COL24A1: variants seen among roughly 807,000 people sequenced by gnomAD.
The protein encoded by COL24A1 is collagen type XXIV alpha 1 chain, also known as collagen alpha-1(XXIV) chain.
Under a neutral mutation model 253.9 loss-of-function variants are expected in COL24A1, and 224 were observed. That is an observed-to-expected ratio of 0.88 (90% CI 0.79 to 0.99). COL24A1 has a LOEUF of 0.99. Ranked by LOEUF, COL24A1 falls within the 50% of genes least tolerant of loss-of-function variation. The pLI is 0.00. For missense variants in COL24A1, 2,131 were observed against 2,068.5 expected (o/e 1.03, Z -0.59); for synonymous variants, 685 against 673.7 (o/e 1.02, Z -0.26).
intron 23 of COL24A1, among the ~76,000 whole-genome samples, chr1:85,961,799 G>A (rs996816863): frequency 2.0e-5 from 3 of 152,130 alleles, no homozygotes; most frequent in African/African-American, 7.2e-5. Flanking sequence ...AGAGCAAAGG[G>A]TGAAGTGCCA....
chr1:85,730,544 C>A lies in COL24A1; in HGVS notation c.*2G>T. The stretch of plus-strand genomic sequence containing the variant: ...CCTGAATTCGGAACTAATTCAGAGA[C>A]TTTACAGAAAGCATACAGAACTGCT... On this transcript the variant is annotated 3_prime_UTR_variant, in exon 60 of 60. Coordinates refer to ENST00000370571, the MANE Select transcript of COL24A1 (RefSeq NM_152890.7). 6.2e-7 allele frequency: 1 copy of A among 1,613,406 alleles called. No homozygotes were observed. The highest frequency in any genetic ancestry group is 8.5e-7 in the Non-Finnish European group (1 of 1,179,556).
chr1:85,797,144 T>A (rs1670906118), intron 47 of COL24A1, among the ~76,000 whole-genome samples: 1 of 146,162 alleles, frequency 6.8e-6, no homozygotes, highest in African/African-American at 2.5e-5. Context: ...GAGGTGGAGG[T>A]TGCAGCGAGC....
chr1:86,013,477 CT>C (rs1463703448), intron 19 of COL24A1, among the ~76,000 whole-genome samples: 1 of 152,164 alleles, frequency 6.6e-6, no homozygotes, highest in East Asian at 1.9e-4. Flanking sequence ...CTGAAATCCC[CT>C]TACAACAAAA....
chr1:85,858,177 T>C (rs912247039), intron 37 of COL24A1, among the ~76,000 whole-genome samples: 3 of 152,202 alleles, frequency 2.0e-5, no homozygotes, highest in Admixed American at 2.0e-4. Flanking sequence ...TTTAACCCCA[T>C]AGCTCACTTC....
At chr1:86,089,070 T>G in intron 7 of COL24A1, 104 bp downstream of exon 7, 1 of 857,798 alleles carries the variant, frequency 1.2e-6, no homozygotes, top group Admixed American at 3.1e-5. Flanking sequence ...ACCTCCAAGA[T>G]CCATATATCA....
At chr1:86,119,119 C>T (rs192627339) in intron 3 of COL24A1, among the ~76,000 whole-genome samples, 1 of 152,140 alleles carries the variant, frequency 6.6e-6, no homozygotes, top group Non-Finnish European at 1.5e-5. Context: ...ATTTTGCAGA[C>T]TACTCTCCCT....
chr1:85,808,201 T>C (rs1238693953), intron 47 of COL24A1, among the ~76,000 whole-genome samples: 2 of 152,168 alleles, frequency 1.3e-5, no homozygotes, highest in Non-Finnish European at 2.9e-5. Context: ...CTGTGGAAAA[T>C]TGTACATATT....
intron 24 of COL24A1, among the ~76,000 whole-genome samples, chr1:85,917,427 A>G (rs1408216426): frequency 6.6e-6 from 1 of 151,986 alleles, no homozygotes. Context: ...CTTAGTTCTT[A>G]TCCATGTCCT....
Position 86,110,846 on chromosome 1 carries a change from G to A in COL24A1, c.1599+1721C>T, listed in dbSNP as rs79666716. Among the ~76,000 whole-genome samples, 788 of 150,204 alleles carry A rather than the reference G, an allele frequency of 5.2e-3. 16 individuals are homozygous for A. In the East Asian group the frequency reaches 0.067, roughly 13 times the overall value. On this transcript the variant is annotated intron_variant, in intron 5 of 59. Transcript: ENST00000370571. ...CGCCCCCCACACCCCATGGGCTGCC[G>A]CGCGGCCCAAGCCTCCCCAGTGGGG...
intron 7 of COL24A1, 65 bp downstream of exon 7, chr1:86,089,109 T>C: frequency 2.3e-6 from 3 of 1,327,568 alleles, no homozygotes; most frequent in Non-Finnish European, 3.1e-6. Flanking sequence ...CAGGTATCCC[T>C]GAAGAAAAAG....
intron 24 of COL24A1, among the ~76,000 whole-genome samples, chr1:85,955,119 G>C (rs927355604): frequency 6.6e-6 from 1 of 152,176 alleles, no homozygotes; most frequent in South Asian, 2.1e-4. Context: ...ACACAAATGG[G>C]TGGATGATAA....
chr1:85,783,263 T>C (rs908589194), intron 51 of COL24A1, among the ~76,000 whole-genome samples: 15 of 138,790 alleles, frequency 1.1e-4, no homozygotes, highest in Admixed American at 3.9e-4. Context: ...ATTCTGATGA[T>C]TCTTTTTTTT....
intron 24 of COL24A1, among the ~76,000 whole-genome samples, chr1:85,938,391 T>A (rs1160604461): frequency 6.8e-6 from 1 of 146,598 alleles, no homozygotes; most frequent in Non-Finnish European, 1.5e-5. Context: ...GGCAATCTCT[T>A]GAGCCCTTCA....
chr1:85,802,428 A>G (rs994320690), intron 47 of COL24A1, among the ~76,000 whole-genome samples: 3 of 152,076 alleles, frequency 2.0e-5, no homozygotes, highest in African/African-American at 7.2e-5. Flanking sequence ...TCTGCCTAGA[A>G]TGTTTCTTTC....
intron 7 of COL24A1, among the ~76,000 whole-genome samples, chr1:86,078,896 T>C (rs537106434): frequency 2.2e-4 from 33 of 152,280 alleles, no homozygotes; most frequent in African/African-American, 7.5e-4. Context: ...AATCTACAGA[T>C]TCAATACAAT....
chr1:85,874,636 A>AG lies in COL24A1; in HGVS notation c.3138+12dup. On this transcript the variant is annotated intron_variant, in intron 35 of 59. Transcript: ENST00000370571. ...GGGTTAGTGTATTAAAAGAGTTTCA[A>AG]GGGGGCACTCACCCGTAAACCTGGT... is the stretch of plus-strand genomic sequence containing the variant. 2 of 1,611,594 alleles carry AG rather than the reference A, an allele frequency of 1.2e-6. No homozygotes were observed. Among genetic ancestry groups the AG allele is most frequent in the South Asian group, 2.2e-5 (2 of 90,926 alleles).
At chr1:86,068,705 A>G (rs917160609) in intron 7 of COL24A1, among the ~76,000 whole-genome samples, 1 of 152,102 alleles carries the variant, frequency 6.6e-6, no homozygotes, top group Non-Finnish European at 1.5e-5. Context: ...ATAACAAGGA[A>G]AGTGACTCTT....
Position 86,131,511 on chromosome 1 carries a change from C to A in COL24A1, c.122-5297G>T, listed in dbSNP as rs9659191. Among the ~76,000 whole-genome samples, 25 of 125,458 alleles carry A rather than the reference C, an allele frequency of 2.0e-4. No individual in the cohort carries two copies. In the South Asian group the frequency reaches 2.3e-3, roughly 12 times the overall value. 82.3% of individuals were successfully genotyped at this position (125,458 alleles called of 152,430 possible). On this transcript the variant is annotated intron_variant, in intron 2 of 59. Coordinates refer to ENST00000370571, the MANE Select transcript of COL24A1 (RefSeq NM_152890.7). ...ATGTCTCCTAATGCCATCCCTCCCC[C>A]CTCCCCCCACCCCACAAAGGCCCCA...
chr1:85,897,720 A>G (rs777724187), intron 28 of COL24A1, among the ~76,000 whole-genome samples: 1 of 152,208 alleles, frequency 6.6e-6, no homozygotes, highest in Non-Finnish European at 1.5e-5. Context: ...TTGTTCAGGG[A>G]CTTGATTCAA....
Sources: gnomAD v4.1 joint callset for allele counts (sites outside exome capture counted in the v4.1 genomes callset) on GRCh38, gnomAD v4.1.1 for gene constraint, MANE v1.5 for transcripts, NCBI Gene and HGNC (gene_info 2026-07-23, HGNC 2026-07-21) for gene names.